Variants in SFMBT1 observed in about 807,000 individuals in gnomAD.
The protein encoded by SFMBT1 is Scm like with four mbt domains 1.
A neutral mutation model predicts 108.7 loss-of-function variants in SFMBT1; 32 were observed. That is an observed-to-expected ratio of 0.29 (90% CI 0.22 to 0.40). The LOEUF (loss-of-function observed/expected upper bound fraction) is 0.40. Among genes scored for constraint, SFMBT1 ranks in the 10% least tolerant of loss-of-function variants. The pLI is 1.00. For missense variants in SFMBT1, 816 were observed against 1,059.6 expected (o/e 0.77, Z 3.19); for synonymous variants, 348 against 369.5 (o/e 0.94, Z 0.67).
At chr3:52,920,884 C>T (rs1702503657) in intron 11 of SFMBT1, among the ~76,000 whole-genome samples, 1 of 152,094 alleles carries the variant, frequency 6.6e-6, no homozygotes, top group Non-Finnish European at 1.5e-5. Context: ...TACAGGGTGA[C>T]ACTTAAGCTA....
chr3:52,914,710 C>T (rs889549579), intron 14 of SFMBT1, among the ~76,000 whole-genome samples: 1 of 152,194 alleles, frequency 6.6e-6, no homozygotes, highest in Admixed American at 6.5e-5. Flanking sequence ...CTGCACTGCA[C>T]TCCAGCCTGG....
chr3:53,003,121 C>CA (rs397894876), intron 1 of SFMBT1, among the ~76,000 whole-genome samples: 6,618 of 60,802 alleles, frequency 0.11, 99 homozygotes, highest in South Asian at 0.23. Context: ...GACTCCATCA[C>CA]AAAAAAAAAA....
intron 9 of SFMBT1, 133 bp from the exon 10 acceptor site, chr3:52,926,246 G>A (rs368492653): frequency 5.9e-5 from 30 of 508,106 alleles, no homozygotes; most frequent in African/African-American, 5.2e-4. Context: ...TTAGAGGGGC[G>A]AAAAGCATTC....
At chr3:53,033,456 C>T (rs1699758343) in intron 1 of SFMBT1, among the ~76,000 whole-genome samples, 1 of 152,008 alleles carries the variant, frequency 6.6e-6, no homozygotes, top group Non-Finnish European at 1.5e-5. Flanking sequence ...CCGCCGCGCC[C>T]GGCCCAACAT....
chr3:52,941,004 A>G (rs1363410980), intron 4 of SFMBT1, among the ~76,000 whole-genome samples: 1 of 152,196 alleles, frequency 6.6e-6, no homozygotes, highest in East Asian at 1.9e-4. Flanking sequence ...ACTGGCCTGT[A>G]CTCTTCAAAA....
chr3:52,976,587 C>T (rs1048410802), intron 1 of SFMBT1, among the ~76,000 whole-genome samples: 4 of 151,960 alleles, frequency 2.6e-5, no homozygotes, highest in African/African-American at 9.7e-5. Context: ...TTTCCTTAAG[C>T]AAGGAAGCCA....
intron 1 of SFMBT1, among the ~76,000 whole-genome samples, chr3:53,002,303 G>T (rs923528658): frequency 6.7e-6 from 1 of 148,254 alleles, no homozygotes; most frequent in Non-Finnish European, 1.5e-5. Flanking sequence ...GGAGGCTGAG[G>T]CAGGAGAATG....
intron 1 of SFMBT1, among the ~76,000 whole-genome samples, chr3:53,036,195 G>A (rs998153911): frequency 6.6e-6 from 1 of 152,232 alleles, no homozygotes; most frequent in African/African-American, 2.4e-5. Context: ...GCTGCCCCAA[G>A]AGCCAGCCGC....
chr3:52,913,666 A>C (rs768905799), intron 14 of SFMBT1, 49 bp from the exon 15 acceptor site: 2 of 1,591,638 alleles, frequency 1.3e-6, no homozygotes, highest in Non-Finnish European at 8.6e-7. Flanking sequence ...TCTCTACCCC[A>C]CGTTTCCAAA....
chr3:52,983,654 G>T (rs1704803057), intron 1 of SFMBT1, among the ~76,000 whole-genome samples: 1 of 152,224 alleles, frequency 6.6e-6, no homozygotes, highest in African/African-American at 2.4e-5. Context: ...AGTGAGCCAT[G>T]TGGGTACGTG....
Position 52,907,688 on chromosome 3 carries a change from G to C in SFMBT1, c.1952C>G (p.Pro651Arg). 1 of 1,613,390 alleles carries C rather than the reference G, an allele frequency of 6.2e-7. No homozygotes were observed. Among genetic ancestry groups the C allele is most frequent in the Non-Finnish European group, 8.5e-7 (1 of 1,179,844 alleles). The change falls in exon 18 of 21, where the codon CCT becomes CGT. Residue 651 changes from proline (P) to arginine (R), a missense_variant. Around this residue, in one of 5 missense-constraint regions of SFMBT1, gnomAD observed 177 missense variants for 182.0 expected, o/e 0.97. Transcript: ENST00000394752. Reference protein sequence around the residue: ...KKKNKRIGRPPGGHSNLACAL... With the variant: ...KKKNKRIGRPRGGHSNLACAL... ...ACAAGCTAAGTTACTATGCCCACCA[G>C]GTGGCCTCCCAATTCTTTTATTTTT...
At chr3:52,922,985 C>A (rs1702561842) in intron 10 of SFMBT1, among the ~76,000 whole-genome samples, 1 of 152,186 alleles carries the variant, frequency 6.6e-6, no homozygotes. Flanking sequence ...GTTTCCCCAA[C>A]AAATGGCCAA....
chr3:52,959,729 T>G (rs1210234291), intron 2 of SFMBT1, among the ~76,000 whole-genome samples: 1 of 152,182 alleles, frequency 6.6e-6, no homozygotes, highest in African/African-American at 2.4e-5. Flanking sequence ...ATAAACTCCA[T>G]AAAGTCAGGA....
At chr3:53,044,491 C>T (rs982678035) in intron 1 of SFMBT1, among the ~76,000 whole-genome samples, 1 of 152,148 alleles carries the variant, frequency 6.6e-6, no homozygotes, top group Admixed American at 6.5e-5. Context: ...AATCTACCTA[C>T]GGCCTAATTC....
intron 1 of SFMBT1, among the ~76,000 whole-genome samples, chr3:53,001,738 G>T (rs991559760): frequency 6.8e-6 from 1 of 147,232 alleles, no homozygotes; most frequent in Non-Finnish European, 1.5e-5. Flanking sequence ...GGAAATGGGA[G>T]ATCCTATCTC....
In SFMBT1 at chr3:52,948,439, C is replaced by T. The variant is rs552340632; in HGVS notation, c.124-4846G>A. 5.3e-4 allele frequency among the ~76,000 whole-genome samples: 80 copies of T among 152,138 alleles called. No homozygotes were observed. In the Middle Eastern group the frequency reaches 0.01, roughly 20 times the overall value. On this transcript the variant is annotated intron_variant, in intron 3 of 20. Transcript: ENST00000394752. ...CATATAAAAATCAGAATCAGCTTGT[C>T]AATTTCTACCTAAAATTTTATATAT...
At chr3:53,010,592 T>A (rs1337915683) in intron 1 of SFMBT1, among the ~76,000 whole-genome samples, 2 of 152,200 alleles carry the variant, frequency 1.3e-5, no homozygotes, top group African/African-American at 4.8e-5. Flanking sequence ...TGTGGAGCCA[T>A]GTTTCAAAGT....
chr3:52,937,436 T>C (rs1703047535), intron 4 of SFMBT1, among the ~76,000 whole-genome samples: 1 of 152,194 alleles, frequency 6.6e-6, no homozygotes, highest in South Asian at 2.1e-4. Flanking sequence ...ACATTTAATT[T>C]TGCTTTCTAG....
At chr3:52,959,614 T>A (rs986315865) in intron 2 of SFMBT1, among the ~76,000 whole-genome samples, 2 of 152,208 alleles carry the variant, frequency 1.3e-5, no homozygotes, top group African/African-American at 2.4e-5. Flanking sequence ...CATTCAAGTC[T>A]CTACTCAAAT....
Sources: allele counts gnomAD v4.1 joint callset (sites outside exome capture counted in the v4.1 genomes callset), GRCh38; gene constraint gnomAD v4.1.1; regional missense constraint gnomAD v4.1.1; transcripts MANE v1.5; gene names NCBI Gene and HGNC (gene_info 2026-07-23, HGNC 2026-07-21).